Variants in PTPRT observed in about 807,000 individuals in gnomAD.
PTPRT encodes receptor-type tyrosine-protein phosphatase T.
Under a neutral mutation model 176.8 loss-of-function variants are expected in PTPRT, and 56 were observed. That is an observed-to-expected ratio of 0.32 (90% CI 0.26 to 0.40). The LOEUF (loss-of-function observed/expected upper bound fraction) is 0.40. Ranked by LOEUF, PTPRT falls within the 10% of genes least tolerant of loss-of-function variation. The probability of loss-of-function intolerance (pLI) is 1.00; values close to 1 mark genes in which losing one functional copy is unlikely to be tolerated. For synonymous variants in PTPRT, 783 were observed against 739.0 expected (o/e 1.06, Z -0.96); for missense variants, 1,540 against 1,908.2 (o/e 0.81, Z 3.60).
chr20:42,629,288 T>C (rs549743944), intron 7 of PTPRT, among the ~76,000 whole-genome samples: 2 of 152,210 alleles, frequency 1.3e-5, no homozygotes, highest in South Asian at 4.1e-4. Flanking sequence ...GTTTAAGTAA[T>C]TACATTAGTT....
chr20:42,942,205 G>C (rs1339456227), intron 1 of PTPRT, among the ~76,000 whole-genome samples: 3 of 152,172 alleles, frequency 2.0e-5, no homozygotes, highest in African/African-American at 7.2e-5. Flanking sequence ...CCAGCTCAAA[G>C]ACATCCTGAA....
At chr20:42,211,871 AC>A (rs1311616735) in intron 15 of PTPRT, among the ~76,000 whole-genome samples, 6 of 151,822 alleles carry the variant, frequency 4.0e-5, no homozygotes, top group Non-Finnish European at 8.8e-5. Context: ...GGCGTTATTC[AC>A]AATAGCAAAG....
At chr20:42,545,154 C>T (rs1004237337) in intron 7 of PTPRT, among the ~76,000 whole-genome samples, 1 of 152,162 alleles carries the variant, frequency 6.6e-6, no homozygotes, top group Non-Finnish European at 1.5e-5. Context: ...GACCAGGCCC[C>T]GTTAAGGTCA....
chr20:42,251,689 C>T (rs2146927553), intron 13 of PTPRT, among the ~76,000 whole-genome samples: 1 of 149,784 alleles, frequency 6.7e-6, no homozygotes, highest in Middle Eastern at 3.5e-3. Context: ...AATAGCCTTG[C>T]CTAATGGGGC....
chr20:42,101,151 A>G (rs1985897043), intron 26 of PTPRT, among the ~76,000 whole-genome samples: 1 of 152,160 alleles, frequency 6.6e-6, no homozygotes, highest in Non-Finnish European at 1.5e-5. Context: ...GGCTCATTAT[A>G]TCAGGCAATG....
intron 7 of PTPRT, among the ~76,000 whole-genome samples, chr20:42,592,973 A>G (rs1334812872): frequency 6.6e-6 from 1 of 152,220 alleles, no homozygotes; most frequent in Non-Finnish European, 1.5e-5. Flanking sequence ...AGTTTCAAGC[A>G]TATGAAAAAC....
At chr20:42,232,922 G>C (rs1285300538) in intron 15 of PTPRT, among the ~76,000 whole-genome samples, 1 of 149,736 alleles carries the variant, frequency 6.7e-6, no homozygotes, top group African/African-American at 2.5e-5. Flanking sequence ...AGTTACTTCT[G>C]ATGGCCAAAT....
At chr20:42,212,108 G>T (rs2055649127) in intron 15 of PTPRT, among the ~76,000 whole-genome samples, 1 of 136,684 alleles carries the variant, frequency 7.3e-6, no homozygotes, top group Non-Finnish European at 1.5e-5. Context: ...GAGATCACAT[G>T]GACACAGGAA....
intron 1 of PTPRT, among the ~76,000 whole-genome samples, chr20:42,894,048 A>G (rs930072914): frequency 9.9e-5 from 15 of 152,000 alleles, no homozygotes; most frequent in African/African-American, 3.4e-4. Context: ...ATTAAAAAAA[A>G]AAGAACATTT....
chr20:43,107,452 T>A (rs965718665), intron 1 of PTPRT, among the ~76,000 whole-genome samples: 5 of 152,324 alleles, frequency 3.3e-5, no homozygotes, highest in African/African-American at 1.2e-4. Flanking sequence ...ATCCTCTGGT[T>A]GAAAGAATGA....
At chr20:42,357,001 T>C (rs1349836950) in intron 9 of PTPRT, among the ~76,000 whole-genome samples, 1 of 152,196 alleles carries the variant, frequency 6.6e-6, no homozygotes, top group Admixed American at 6.5e-5. Context: ...GGGACTCTTT[T>C]TATGGGTATC....
chr20:42,662,657 C>T (rs915400683), intron 7 of PTPRT, among the ~76,000 whole-genome samples: 10 of 152,072 alleles, frequency 6.6e-5, no homozygotes, highest in Non-Finnish European at 1.5e-4. Context: ...CCAAGGCTGT[C>T]CAGCATCCTA....
chr20:42,090,559 T>C (rs1250925211), intron 27 of PTPRT, among the ~76,000 whole-genome samples: 1 of 152,204 alleles, frequency 6.6e-6, no homozygotes, highest in African/African-American at 2.4e-5. Flanking sequence ...AAATGCATAC[T>C]GTGCATGTAT....
intron 17 of PTPRT, among the ~76,000 whole-genome samples, chr20:42,151,320 CT>C (rs1244657796): frequency 6.6e-6 from 1 of 152,076 alleles, no homozygotes; most frequent in Non-Finnish European, 1.5e-5. Context: ...CCCCCACCCC[CT>C]GACAGGCCCT....
Position 42,078,398 on chromosome 20 carries a change from G to C in PTPRT, c.*2481C>G, listed in dbSNP as rs1982988226. ...GCTCCGTGGTAAAGCAGAGACCCTG[G>C]GTTTCTCATAGAATCTGAGTCTCAT... On this transcript the variant is annotated 3_prime_UTR_variant, in exon 31 of 31. Transcript: ENST00000373187. 4.7e-6 allele frequency: 1 copy of C among 210,778 alleles called. No homozygotes were observed. The highest frequency in any genetic ancestry group is 2.3e-5 in the African/African-American group (1 of 43,966). 13.1% of individuals were successfully genotyped at this position (210,778 alleles called of 1,614,324 possible). A position where few individuals can be genotyped will look rare whatever the true frequency, so the allele number is the denominator to read the frequency against.
intron 7 of PTPRT, among the ~76,000 whole-genome samples, chr20:42,490,875 T>TA (rs1799043182): frequency 6.6e-6 from 1 of 152,198 alleles, no homozygotes; most frequent in African/African-American, 2.4e-5. Context: ...CTAAGGGTTT[T>TA]AAAAAATAAT....
intron 1 of PTPRT, among the ~76,000 whole-genome samples, chr20:43,040,925 T>A (rs1275759735): frequency 6.6e-6 from 1 of 152,198 alleles, no homozygotes; most frequent in Non-Finnish European, 1.5e-5. Context: ...CCTGGAACAT[T>A]TAGCATTCTT....
At chr20:43,062,601 T>C (rs1488154752) in intron 1 of PTPRT, among the ~76,000 whole-genome samples, 4 of 152,220 alleles carry the variant, frequency 2.6e-5, no homozygotes, top group Admixed American at 1.3e-4. Flanking sequence ...CAGCATGCAA[T>C]CACGTTAACG....
chr20:43,051,994 A>G (rs1267679147), intron 1 of PTPRT, among the ~76,000 whole-genome samples: 2 of 152,250 alleles, frequency 1.3e-5, no homozygotes. Flanking sequence ...TAAAGAATAA[A>G]TGTGAATGAA....
Sources: allele counts gnomAD v4.1 joint callset (sites outside exome capture counted in the v4.1 genomes callset), GRCh38; gene constraint gnomAD v4.1.1; transcripts MANE v1.5; gene names NCBI Gene and HGNC (gene_info 2026-07-23, HGNC 2026-07-21).